Variants in TCF7L2 observed in about 807,000 individuals in gnomAD.
TCF7L2 encodes transcription factor 7 like 2.
Under a neutral mutation model 77.9 loss-of-function variants are expected in TCF7L2, and 23 were observed. The ratio of observed to expected loss-of-function variants is 0.30; its 90% CI spans 0.21 to 0.42. The LOEUF (loss-of-function observed/expected upper bound fraction) is 0.42, where lower values mean the gene tolerates loss of function less well. Ranked by LOEUF, TCF7L2 falls within the 10% of genes least tolerant of loss-of-function variation. The probability of loss-of-function intolerance (pLI) is 1.00; values close to 1 mark genes in which losing one functional copy is unlikely to be tolerated. For synonymous variants in TCF7L2, 413 were observed against 340.2 expected, an observed-to-expected ratio of 1.21 and a Z score of -2.36; for missense variants, 654 against 793.1, an observed-to-expected ratio of 0.82 and a Z score of 2.11.
intron 4 of TCF7L2, among the ~76,000 whole-genome samples, chr10:112,966,206 ATAT>A (rs1288693752): frequency 2.9e-5 from 4 of 139,678 alleles, no homozygotes; most frequent in Non-Finnish European, 6.0e-5. Flanking sequence ...ATATATATAT[ATAT>A]ATTTTCTTTT....
chr10:112,994,254 C>T (rs1000908536), intron 4 of TCF7L2, among the ~76,000 whole-genome samples: 8 of 152,294 alleles, frequency 5.3e-5, no homozygotes, highest in Non-Finnish European at 1.2e-4. Context: ...CTCATTTCCT[C>T]TCCCCCCAGC....
At chr10:113,098,534 C>T (rs560069269) in intron 5 of TCF7L2, among the ~76,000 whole-genome samples, 97 of 152,102 alleles carry the variant, frequency 6.4e-4, no homozygotes, top group Non-Finnish European at 1.1e-3. Flanking sequence ...GTGAAACCCC[C>T]GTCTCTACTA....
At chr10:113,061,975 C>T (rs2056524204) in intron 5 of TCF7L2, among the ~76,000 whole-genome samples, 1 of 152,184 alleles carries the variant, frequency 6.6e-6, no homozygotes, top group Non-Finnish European at 1.5e-5. Context: ...CAAACACCGT[C>T]ATTCTACATC....
intron 4 of TCF7L2, among the ~76,000 whole-genome samples, chr10:112,998,202 G>A (rs1477659888): frequency 6.6e-6 from 1 of 151,736 alleles, no homozygotes; most frequent in Non-Finnish European, 1.5e-5. Context: ...GCCTCCCAAA[G>A]TGCTGGGATT....
chr10:112,984,327 A>G (rs535086972), intron 4 of TCF7L2, among the ~76,000 whole-genome samples: 2 of 151,384 alleles, frequency 1.3e-5, no homozygotes, highest in African/African-American at 4.8e-5. Flanking sequence ...TTTTTTTGGC[A>G]TTTGCCAGAA....
chr10:113,149,851 C>T (rs1051101795), intron 8 of TCF7L2, among the ~76,000 whole-genome samples: 1 of 152,210 alleles, frequency 6.6e-6, no homozygotes, highest in Admixed American at 6.5e-5. Flanking sequence ...GAGCAGGAGG[C>T]TGCCATATTG....
At chr10:113,104,567 T>C (rs1591739537) in intron 5 of TCF7L2, among the ~76,000 whole-genome samples, 1 of 152,174 alleles carries the variant, frequency 6.6e-6, no homozygotes, top group East Asian at 1.9e-4. Context: ...GGTGGTACCA[T>C]AGTGTCATAT....
Position 113,166,324 on chromosome 10 carries a change from A to G in TCF7L2, c.*352A>G, listed in dbSNP as rs935919763. ...GATTAAAAAACAAAAAGAAAAAAAA[A>G]GCAATTTTGAAGCAGCCCTCCAGAA... On this transcript the variant is annotated 3_prime_UTR_variant, in exon 14 of 14. Transcript: ENST00000627217. 8.3e-6 allele frequency: 2 copies of G among 241,126 alleles called. No homozygotes were observed. Among genetic ancestry groups the G allele is most frequent in the African/African-American group, 4.4e-5 (2 of 45,640 alleles). 14.9% of individuals were successfully genotyped at this position (241,126 alleles called of 1,614,324 possible).
intron 5 of TCF7L2, among the ~76,000 whole-genome samples, chr10:113,056,301 A>T (rs1296576011): frequency 1.3e-5 from 2 of 152,342 alleles, no homozygotes; most frequent in African/African-American, 2.4e-5. Flanking sequence ...ACCGCGCCTC[A>T]TTGCCTTCTT....
At chr10:113,137,912 G>A (rs2067662912) in intron 5 of TCF7L2, among the ~76,000 whole-genome samples, 1 of 152,192 alleles carries the variant, frequency 6.6e-6, no homozygotes, top group Non-Finnish European at 1.5e-5. Context: ...CCCCAGCAAT[G>A]GGCATCGTGT....
rs564730122 is a variant in TCF7L2 at position 113,015,966 on chromosome 10, G to T, written c.451-24059G>T. Reference sequence around the variant, plus strand: ...TTGCGGCTGCCATTCCTTGGGGTCTGGGGTTAAGACCATCTGCCTGAGGGT... The same window carrying T: ...TTGCGGCTGCCATTCCTTGGGGTCTTGGGTTAAGACCATCTGCCTGAGGGT... On this transcript the variant is annotated intron_variant, in intron 4 of 13. Coordinates refer to ENST00000627217, the MANE Select transcript of TCF7L2 (RefSeq NM_001146274.2). 1.0e-3 allele frequency among the ~76,000 whole-genome samples: 155 copies of T among 152,260 alleles called. 1 individual carries two copies. The highest frequency in any genetic ancestry group is 3.6e-3 in the African/African-American group (150 of 41,556).
chr10:113,087,065 G>A (rs890557037), intron 5 of TCF7L2, among the ~76,000 whole-genome samples: 2 of 152,152 alleles, frequency 1.3e-5, no homozygotes, highest in African/African-American at 4.8e-5. Flanking sequence ...AAGGTTAGGG[G>A]TAAGGTTAAT....
At chr10:113,088,634 T>C (rs2060072178) in intron 5 of TCF7L2, among the ~76,000 whole-genome samples, 1 of 152,146 alleles carries the variant, frequency 6.6e-6, no homozygotes, top group Admixed American at 6.5e-5. Flanking sequence ...GACTGTCGCC[T>C]GGCAGAGGAA....
rs964223474 is a variant in TCF7L2 at position 113,165,542 on chromosome 10, C to G, written c.1392-13C>G. ...GCCCTCTATTCACAGATAACTCTCT[C>G]CCCTGTTTCTAGGAGAAAAAAAAAG... On this transcript the variant is annotated splice_polypyrimidine_tract_variant and intron_variant, in intron 13 of 13. Transcript: ENST00000627217. The G allele has an allele frequency of 3.7e-6, 6 of 1,613,426 alleles. No homozygotes were observed. Among genetic ancestry groups the G allele is most frequent in the Admixed American group, 3.3e-5 (2 of 59,902 alleles).
chr10:113,119,227 A>C lies in TCF7L2; in HGVS notation c.553-21957A>C, dbSNP rs2064370771. Among the ~76,000 whole-genome samples, 8 of 152,264 alleles carry C rather than the reference A, an allele frequency of 5.3e-5. No homozygotes were observed. In the South Asian group the frequency reaches 1.7e-3, roughly 32 times the overall value. ...GCCAGTGGTCGATAGGAGAGATGGA[A>C]CATTTGGGAAAGTTCCTAATCTCAT... On this transcript the variant is annotated intron_variant, in intron 5 of 13. Coordinates refer to ENST00000627217, the MANE Select transcript of TCF7L2 (RefSeq NM_001146274.2).
chr10:112,976,199 C>T (rs935529147), intron 4 of TCF7L2, among the ~76,000 whole-genome samples: 17 of 152,292 alleles, frequency 1.1e-4, no homozygotes, highest in African/African-American at 4.1e-4. Context: ...TACAGGGAAG[C>T]GTGCTTGATA....
At chr10:113,089,504 C>G in intron 5 of TCF7L2, 1 of 1,613,892 alleles carries the variant, frequency 6.2e-7, no homozygotes, top group Non-Finnish European at 8.5e-7. Context: ...AAAGGAGCCA[C>G]TCCTTACAAA....
In TCF7L2 at chr10:112,950,924, A is replaced by C; in HGVS notation, c.168A>C (p.Gln56His). The C allele has an allele frequency of 6.2e-7, 1 of 1,611,802 alleles. No homozygotes were observed. The change falls in exon 1 of 14, where the codon CAA (glutamine) becomes CAC (histidine). Residue 56 changes from glutamine (Q) to histidine (H), a missense_variant. Gln to His is a conservative substitution (Grantham distance 24). Around this residue, in one of 6 missense-constraint regions of TCF7L2, gnomAD observed 132 missense variants for 123.7 expected, o/e 1.07. Coordinates refer to ENST00000627217, the MANE Select transcript of TCF7L2 (RefSeq NM_001146274.2). The stretch of plus-strand genomic sequence containing the variant: ...TAGTCAATGAATCAGAAACGAATCA[A>C]AACAGCTCCTCCGATTCCGAGGTAG...
intron 4 of TCF7L2, among the ~76,000 whole-genome samples, chr10:113,014,809 C>T (rs1352477486): frequency 6.6e-6 from 1 of 151,980 alleles, no homozygotes; most frequent in African/African-American, 2.4e-5. Context: ...AACAAACAAA[C>T]AAAAACTAAA....
Sources: gnomAD v4.1 joint callset for allele counts (sites outside exome capture counted in the v4.1 genomes callset) on GRCh38, gnomAD v4.1.1 for gene constraint, gnomAD v4.1.1 regional missense constraint, MANE v1.5 for transcripts, NCBI Gene and HGNC (gene_info 2026-07-23, HGNC 2026-07-21) for gene names.